The following MBNL1 variants were observed in gnomAD, a reference collection of about 807,000 sequenced individuals.
The protein encoded by MBNL1 is muscleblind like splicing regulator 1, also known as muscleblind-like protein 1.
Under a neutral mutation model 42.2 loss-of-function variants are expected in MBNL1, and 8 were observed. The observed-to-expected ratio is 0.19, with a 90% confidence interval of 0.11 to 0.34. The LOEUF (loss-of-function observed/expected upper bound fraction) is 0.34, where lower values mean the gene tolerates loss of function less well. Ranked by LOEUF, MBNL1 falls within the 10% of genes least tolerant of loss-of-function variation. The pLI is 1.00. For missense variants in MBNL1, 309 were observed against 495.3 expected (o/e 0.62, Z 3.57); for synonymous variants, 169 against 173.9 (o/e 0.97, Z 0.22).
At chr3:152,280,622 C>T (rs1234675968) in intron 1 of MBNL1, among the ~76,000 whole-genome samples, 3 of 152,104 alleles carry the variant, frequency 2.0e-5, no homozygotes, top group Non-Finnish European at 4.4e-5. Flanking sequence ...AAAAATCAGT[C>T]AGAGAGAGGT....
intron 2 of MBNL1, among the ~76,000 whole-genome samples, chr3:152,307,944 C>T (rs1340590365): frequency 6.6e-6 from 1 of 152,112 alleles, no homozygotes; most frequent in Non-Finnish European, 1.5e-5. Context: ...CACCAACTTT[C>T]AAAGATGTTG....
At chr3:152,450,148 TAC>T (rs952571686) in intron 6 of MBNL1, among the ~76,000 whole-genome samples, 8 of 146,420 alleles carry the variant, frequency 5.5e-5, no homozygotes, top group South Asian at 2.2e-4. Flanking sequence ...CAAATATATA[TAC>T]ACACACACAC....
chr3:152,458,094 C>T (rs377560680), intron 8 of MBNL1: 8 of 1,582,674 alleles, frequency 5.1e-6, no homozygotes, highest in Non-Finnish European at 6.9e-6. Flanking sequence ...TCATCTGCAT[C>T]GATTGGTGTT....
intron 2 of MBNL1, among the ~76,000 whole-genome samples, chr3:152,246,559 T>G (rs923121379): frequency 1.1e-4 from 16 of 151,762 alleles, no homozygotes; most frequent in African/African-American, 3.9e-4. Context: ...TTTAATATTA[T>G]TGTTTATTCA....
chr3:152,329,708 T>C (rs189876093), intron 2 of MBNL1, among the ~76,000 whole-genome samples: 2 of 147,000 alleles, frequency 1.4e-5, no homozygotes, highest in Non-Finnish European at 3.0e-5. Context: ...TATATATATA[T>C]AATATATATG....
At chr3:152,334,238 A>AT (rs1452774918) in intron 2 of MBNL1, among the ~76,000 whole-genome samples, 8 of 152,152 alleles carry the variant, frequency 5.3e-5, no homozygotes, top group African/African-American at 1.9e-4. Flanking sequence ...GGTGTTTATA[A>AT]TTTTTCTCTA....
At chr3:152,420,995 G>C (rs143428599) in intron 3 of MBNL1, among the ~76,000 whole-genome samples, 1 of 152,130 alleles carries the variant, frequency 6.6e-6, no homozygotes, top group Non-Finnish European at 1.5e-5. Flanking sequence ...TAGCTGAATC[G>C]ATCAAGTGGA....
At chr3:152,365,334 G>C (rs529128166) in intron 2 of MBNL1, among the ~76,000 whole-genome samples, 1 of 151,966 alleles carries the variant, frequency 6.6e-6, no homozygotes, top group Non-Finnish European at 1.5e-5. Flanking sequence ...TTCTCTTCAG[G>C]TTTCAGCAAC....
At position 152,389,764 on chromosome 3, in the gene MBNL1, G is replaced by A. The variant is rs115744895; in HGVS notation, c.175-25177G>A. 3.7e-3 allele frequency among the ~76,000 whole-genome samples: 556 copies of A among 152,214 alleles called. 5 individuals carry two copies. Among genetic ancestry groups the A allele is most frequent in the Middle Eastern group, 0.014 (4 of 294 alleles). Reference sequence around the variant, plus strand: ...GAGTGAGTAGTGAGTGAATGTGAAGGCCTCAGAGATTACTATACATGACTG... The same window carrying A: ...GAGTGAGTAGTGAGTGAATGTGAAGACCTCAGAGATTACTATACATGACTG... On this transcript the variant is annotated intron_variant, in intron 2 of 9. Transcript: ENST00000324210.
chr3:152,451,995 T>C (rs1356013476), intron 6 of MBNL1, among the ~76,000 whole-genome samples: 5 of 152,194 alleles, frequency 3.3e-5, no homozygotes. Context: ...TCAATATCTA[T>C]TACACGAAGA....
At chr3:152,397,045 G>A (rs983981343) in intron 2 of MBNL1, among the ~76,000 whole-genome samples, 1 of 152,114 alleles carries the variant, frequency 6.6e-6, no homozygotes, top group African/African-American at 2.4e-5. Flanking sequence ...AATACAAAGA[G>A]AAAATATAAT....
chr3:152,375,936 A>C (rs1002166104), intron 2 of MBNL1, among the ~76,000 whole-genome samples: 12 of 152,224 alleles, frequency 7.9e-5, no homozygotes, highest in Non-Finnish European at 1.6e-4. Context: ...CCTTAAATTA[A>C]ACAACAGTAT....
chr3:152,294,367 T>A (rs1029956489), intron 1 of MBNL1, among the ~76,000 whole-genome samples: 1 of 147,604 alleles, frequency 6.8e-6, no homozygotes, highest in Non-Finnish European at 1.5e-5. Context: ...CACTGCAAGC[T>A]CTGCCTCCCA....
At chr3:152,303,674 A>G (rs766184854) in intron 2 of MBNL1, among the ~76,000 whole-genome samples, 1 of 152,180 alleles carries the variant, frequency 6.6e-6, no homozygotes, top group Non-Finnish European at 1.5e-5. Context: ...TGGGGAGTCA[A>G]TGTAAAGAAA....
At chr3:152,455,847 A>G (rs886153913) in intron 7 of MBNL1, among the ~76,000 whole-genome samples, 7 of 152,196 alleles carry the variant, frequency 4.6e-5, no homozygotes, top group Non-Finnish European at 8.8e-5. Flanking sequence ...CATAAAAGTA[A>G]TATACTGTAT....
chr3:152,247,678 A>G (rs950850352), intron 2 of MBNL1, among the ~76,000 whole-genome samples: 3 of 151,928 alleles, frequency 2.0e-5, no homozygotes, highest in Admixed American at 6.6e-5. Flanking sequence ...ATCATTTTTT[A>G]TTAACTAAAA....
intron 1 of MBNL1, 197 bp from the exon 2 acceptor site, chr3:152,299,208 C>T (rs927544606): frequency 1.3e-5 from 2 of 152,910 alleles, no homozygotes; most frequent in Non-Finnish European, 2.9e-5. Flanking sequence ...GGGAAACGGC[C>T]CCTTTTTTTA....
chr3:152,389,670 A>G (rs576721831), intron 2 of MBNL1, among the ~76,000 whole-genome samples: 42 of 152,064 alleles, frequency 2.8e-4, no homozygotes, highest in Non-Finnish European at 4.7e-4. Flanking sequence ...GAGATTACAA[A>G]TTTTTACACC....
intron 2 of MBNL1, chr3:152,340,984 T>C (rs2093045153): frequency 2.7e-6 from 4 of 1,475,040 alleles, no homozygotes; most frequent in Non-Finnish European, 3.6e-6. Context: ...CTGGGTAAAT[T>C]GATGAGGGGA....
Sources: gnomAD v4.1 joint callset for allele counts (sites outside exome capture counted in the v4.1 genomes callset) on GRCh38, gnomAD v4.1.1 for gene constraint, MANE v1.5 for transcripts, NCBI Gene and HGNC (gene_info 2026-07-23, HGNC 2026-07-21) for gene names.